Variants in SWT1 observed in about 807,000 individuals in gnomAD.
The protein encoded by SWT1 is SWT1 RNA endoribonuclease homolog, also known as transcriptional protein SWT1.
In SWT1, 33 loss-of-function variants were observed where a neutral mutation model predicts 107.3. That is an observed-to-expected ratio of 0.31 (90% CI 0.23 to 0.41). The LOEUF (loss-of-function observed/expected upper bound fraction) is 0.41, where lower values mean the gene tolerates loss of function less well. Among genes scored for constraint, SWT1 ranks in the 10% least tolerant of loss-of-function variants. The pLI, the probability that SWT1 is intolerant of heterozygous loss-of-function variation, is 1.00. For missense variants in SWT1, 898 were observed against 1,028.9 expected (o/e 0.87, Z 1.74); for synonymous variants, 345 against 348.3 (o/e 0.99, Z 0.11).
At chr1:185,272,991 C>T (rs923715124) in intron 17 of SWT1, among the ~76,000 whole-genome samples, 1 of 151,768 alleles carries the variant, frequency 6.6e-6, no homozygotes, top group Non-Finnish European at 1.5e-5. Context: ...CATGTTCATA[C>T]CACTGCACTC....
At chr1:185,175,320 G>A (rs1558013764) in intron 5 of SWT1, among the ~76,000 whole-genome samples, 1 of 151,600 alleles carries the variant, frequency 6.6e-6, no homozygotes, top group Non-Finnish European at 1.5e-5. Context: ...TTGACCTCCT[G>A]GGTTCAAGCA....
chr1:185,206,314 G>A (rs1483827141), intron 12 of SWT1, among the ~76,000 whole-genome samples: 1 of 152,090 alleles, frequency 6.6e-6, no homozygotes, highest in Non-Finnish European at 1.5e-5. Context: ...TTCTTATAGC[G>A]ATGACTGCGT....
At chr1:185,187,966 T>G (rs1182006571) in intron 9 of SWT1, among the ~76,000 whole-genome samples, 1 of 152,236 alleles carries the variant, frequency 6.6e-6, no homozygotes, top group African/African-American at 2.4e-5. Flanking sequence ...GTGCTGGGAT[T>G]ACAGGTGTGA....
chr1:185,282,366 A>G (rs982655293), intron 18 of SWT1, among the ~76,000 whole-genome samples: 1 of 149,990 alleles, frequency 6.7e-6, no homozygotes, highest in Non-Finnish European at 1.5e-5. Flanking sequence ...ACACAATTAA[A>G]TGGTTTGGTT....
At position 185,160,634 on chromosome 1, in the gene SWT1, A is replaced by G. The variant is rs1654059124; in HGVS notation, c.-9-199A>G. ...GGAGAATTGCTTGAACCCGGTAGGC[A>G]GAGGTTGCAGTGAGCTGAGATCATC... On this transcript the variant is annotated intron_variant, in intron 1 of 18. Coordinates refer to ENST00000367500, the MANE Select transcript of SWT1 (RefSeq NM_017673.7). 2.0e-5 allele frequency among the ~76,000 whole-genome samples: 3 copies of G among 152,196 alleles called. No individual in the cohort carries two copies. In the South Asian group the frequency reaches 6.2e-4, roughly 32 times the overall value.
At position 185,291,460 on chromosome 1, in the gene SWT1, C is replaced by T. The variant is rs1467354911; in HGVS notation, c.*657C>T. On this transcript the variant is annotated 3_prime_UTR_variant, in exon 19 of 19. Transcript: ENST00000367500. The stretch of plus-strand genomic sequence containing the variant: ...GGGCGACCCCTCTGCTGGGTTTCTC[C>T]TTAAATGTGAAGCAAAATAAATTTA... 3 of 152,666 alleles carry T rather than the reference C, an allele frequency of 2.0e-5. No individual in the cohort carries two copies. The highest frequency in any genetic ancestry group is 3.9e-4 in the East Asian group (2 of 5,180). 9.5% of individuals were successfully genotyped at this position (152,666 alleles called of 1,614,324 possible). A position where few individuals can be genotyped will look rare whatever the true frequency, so the allele number is the denominator to read the frequency against.
chr1:185,166,733 A>G (rs538405176), intron 3 of SWT1, 81 bp downstream of exon 3: 10 of 827,246 alleles, frequency 1.2e-5, no homozygotes, highest in African/African-American at 6.9e-5. Context: ...AATTCCTCCT[A>G]TACTTTTTGA....
intron 5 of SWT1, among the ~76,000 whole-genome samples, chr1:185,180,143 C>T (rs956275070): frequency 6.6e-6 from 1 of 152,080 alleles, no homozygotes; most frequent in African/African-American, 2.4e-5. Flanking sequence ...ACAGTTGTGC[C>T]ATTGCACTCC....
In SWT1 at chr1:185,174,504, A is replaced by G. The variant is rs751340646; in HGVS notation, c.357A>G (p.Gly119=). 1 of 1,611,302 alleles carries G rather than the reference A, an allele frequency of 6.2e-7. No individual in the cohort carries two copies. The highest frequency in any genetic ancestry group is 2.2e-5 in the East Asian group (1 of 44,838). The change falls in exon 5 of 19, where the codon GGA becomes GGG. Residue 119 remains glycine, a synonymous_variant. Transcript: ENST00000367500. ...TTTTGCAGAGTCCTTCTTCAAATGG[A>G]ACTAAAAAAGACATACATAAATGTG... The part of the protein sequence containing the change: ...QIILQSPSSN[G]TKKDIHKCVD...
intron 18 of SWT1, among the ~76,000 whole-genome samples, chr1:185,288,718 T>A (rs1354172938): frequency 1.3e-5 from 2 of 152,074 alleles, no homozygotes; most frequent in Non-Finnish European, 2.9e-5. Context: ...AGATGTTGGG[T>A]GCTCTTTGTG....
At chr1:185,213,662 A>G (rs1226519225) in intron 13 of SWT1, among the ~76,000 whole-genome samples, 3 of 152,182 alleles carry the variant, frequency 2.0e-5, no homozygotes, top group African/African-American at 4.8e-5. Context: ...AAAAGTAAAC[A>G]ACAGTATAGC....
chr1:185,176,888 G>A (rs890471179), intron 5 of SWT1: 10 of 432,558 alleles, frequency 2.3e-5, no homozygotes, highest in Admixed American at 1.9e-4. Context: ...GGAGATTGAG[G>A]CAGGAGAATG....
chr1:185,191,271 CTAA>C (rs926944068), intron 10 of SWT1, among the ~76,000 whole-genome samples: 4 of 152,126 alleles, frequency 2.6e-5, no homozygotes, highest in East Asian at 3.8e-4. Flanking sequence ...TCCCTCCCTA[CTAA>C]TATTTCCATA....
intron 16 of SWT1, chr1:185,263,353 G>A (rs1017419449): frequency 4.6e-5 from 7 of 152,080 alleles, no homozygotes; most frequent in African/African-American, 1.7e-4. Context: ...CACTGTGGTT[G>A]GTGTTTTTCA....
chr1:185,250,859 C>T (rs1327507023), intron 16 of SWT1, among the ~76,000 whole-genome samples: 3 of 152,034 alleles, frequency 2.0e-5, no homozygotes, highest in Non-Finnish European at 2.9e-5. Flanking sequence ...AACAGGGTTT[C>T]GCCATGTTGG....
intron 15 of SWT1, among the ~76,000 whole-genome samples, chr1:185,228,983 A>G (rs922964805): frequency 2.0e-5 from 3 of 152,218 alleles, no homozygotes. Flanking sequence ...AGGGAGGTAC[A>G]GTGTGCTAAT....
chr1:185,174,282 T>A, intron 4 of SWT1, 90 bp from the exon 5 acceptor site: 1 of 1,028,010 alleles, frequency 9.7e-7, no homozygotes, highest in African/African-American at 1.7e-5. Flanking sequence ...AAGCTTAATG[T>A]CAGCCCAATT....
At chr1:185,160,333 A>T (rs565203240) in intron 1 of SWT1, among the ~76,000 whole-genome samples, 45 of 152,220 alleles carry the variant, frequency 3.0e-4, no homozygotes, top group Middle Eastern at 6.8e-3. Context: ...GAAGGAGAGG[A>T]GTGGGTAATT....
At position 185,255,438 on chromosome 1, in the gene SWT1, G is replaced by A. The variant is rs1238605699; in HGVS notation, c.2442-15885G>A. Among the ~76,000 whole-genome samples, 4 of 136,550 alleles carry A rather than the reference G, an allele frequency of 2.9e-5. No individual in the cohort carries two copies. In the East Asian group the frequency reaches 8.2e-4, roughly 28 times the overall value. The allele number at this position is 136,550 out of a possible 152,430, so 89.6% of individuals were successfully genotyped here. Reference sequence around the variant, plus strand: ...CTAAGTCTCTTTGTAGGTCACTCAGGACTTGCTTTATGAATCTTGGTGCTC... The same window carrying A: ...CTAAGTCTCTTTGTAGGTCACTCAGAACTTGCTTTATGAATCTTGGTGCTC... On this transcript the variant is annotated intron_variant, in intron 16 of 18. Transcript: ENST00000367500.
Sources: allele counts gnomAD v4.1 joint callset (sites outside exome capture counted in the v4.1 genomes callset), GRCh38; gene constraint gnomAD v4.1.1; transcripts MANE v1.5; gene names NCBI Gene and HGNC (gene_info 2026-07-23, HGNC 2026-07-21).